The following EIF3D variants were observed in gnomAD, a reference collection of about 807,000 sequenced individuals.
The protein encoded by EIF3D is eukaryotic translation initiation factor 3 subunit D.
A neutral mutation model predicts 75.4 loss-of-function variants in EIF3D; 10 were observed. That is an observed-to-expected ratio of 0.13 (90% CI 0.08 to 0.22). EIF3D has a LOEUF of 0.22. EIF3D is among the 10% of genes least tolerant of loss of function. The pLI is 1.00. For missense variants in EIF3D, 394 were observed against 708.0 expected (o/e 0.56, Z 5.03); for synonymous variants, 246 against 248.3 (o/e 0.99, Z 0.09).
rs563027697 is a variant in EIF3D at position 36,521,974 on chromosome 22, C to T, written c.465+1235G>A. ...AAACAAAAACCAAAAAAACCAACAA[C>T]AGATGAAGCACAGCTGAACTTGAAC... On this transcript the variant is annotated intron_variant, in intron 6 of 14. Coordinates refer to ENST00000216190, the MANE Select transcript of EIF3D (RefSeq NM_003753.4). Among the ~76,000 whole-genome samples, 156 of 152,058 alleles carry T rather than the reference C, an allele frequency of 1.0e-3. No individual in the cohort carries two copies. In the Middle Eastern group the frequency reaches 0.02, roughly 20 times the overall value.
chr22:36,520,192 T>A (rs1479886117), intron 7 of EIF3D, among the ~76,000 whole-genome samples: 1 of 151,976 alleles, frequency 6.6e-6, no homozygotes, highest in Non-Finnish European at 1.5e-5. Flanking sequence ...GTTTCGCTCT[T>A]GTTGCCCAGG....
intron 12 of EIF3D, chr22:36,512,943 G>A (rs780042774): frequency 1.6e-5 from 3 of 192,792 alleles, no homozygotes; most frequent in African/African-American, 4.7e-5. Flanking sequence ...GTAAGGAAGG[G>A]CTTCACAGAG....
At chr22:36,523,679 C>T (rs150332616) in intron 5 of EIF3D, among the ~76,000 whole-genome samples, 3 of 152,112 alleles carry the variant, frequency 2.0e-5, no homozygotes, top group Admixed American at 6.5e-5. Context: ...CCCTTTAGTG[C>T]GCATGACCAG....
At chr22:36,525,039 C>G (rs1324905170) in intron 3 of EIF3D, among the ~76,000 whole-genome samples, 1 of 152,198 alleles carries the variant, frequency 6.6e-6, no homozygotes, top group Non-Finnish European at 1.5e-5. Context: ...GTGTGAGAAT[C>G]TGAGGTATTT....
chr22:36,526,118 C>T lies in EIF3D; in HGVS notation c.4G>A (p.Ala2Thr), dbSNP rs1311332370. 12 of 1,602,020 alleles carry T rather than the reference C, an allele frequency of 7.5e-6. No homozygotes were observed. The highest frequency in any genetic ancestry group is 1.0e-5 in the Non-Finnish European group (12 of 1,173,520). Residue 2 changes from alanine to threonine, a missense_variant, in exon 2 of 15, where the codon GCA becomes ACA. Transcript: ENST00000216190. ...TGGATCACGGGTGTCATGAACTTTG[C>T]CATCTTCCAAAATCTGAAAAATATA... M[A>T]KFMTPVIQDN...
At chr22:36,513,146 G>C (rs568530779) in intron 12 of EIF3D, among the ~76,000 whole-genome samples, 3 of 152,138 alleles carry the variant, frequency 2.0e-5, no homozygotes, top group Non-Finnish European at 4.4e-5. Context: ...AAGGACCCCA[G>C]AGAGATCCTC....
At chr22:36,528,838 A>G (rs1934651450) in intron 1 of EIF3D, 1 of 157,648 alleles carries the variant, frequency 6.3e-6, no homozygotes, top group African/African-American at 2.4e-5. Context: ...AAATTCACCC[A>G]GCTCATGGGC....
At chr22:36,526,800 G>C (rs981977987) in intron 1 of EIF3D, 1 of 152,132 alleles carries the variant, frequency 6.6e-6, no homozygotes, top group East Asian at 1.9e-4. Flanking sequence ...TGTTGTCCAG[G>C]CTAGTCTTGA....
intron 10 of EIF3D, 89 bp downstream of exon 10, chr22:36,517,212 C>T (rs1462599717): frequency 6.3e-7 from 1 of 1,584,252 alleles, no homozygotes. Flanking sequence ...CTCAGTCCCA[C>T]AACCAAGAGC....
At chr22:36,523,561 A>G (rs12170386) in intron 5 of EIF3D, among the ~76,000 whole-genome samples, 13,228 of 152,186 alleles carry the variant, frequency 0.087, 678 homozygotes, top group African/African-American at 0.14. Context: ...TGGACCACAC[A>G]ACACCAGGAG....
At chr22:36,520,838 T>C in intron 6 of EIF3D, 150 bp from the exon 7 acceptor site, 2 of 564,190 alleles carry the variant, frequency 3.5e-6, no homozygotes, top group South Asian at 4.1e-5. Flanking sequence ...GATGATTGCT[T>C]GAGCCCAGGA....
At position 36,523,948 on chromosome 22, in the gene EIF3D, G is replaced by C; in HGVS notation, c.339C>G (p.Asn113Lys). 6.2e-7 allele frequency: 1 copy of C among 1,614,070 alleles called. No individual in the cohort carries two copies. Among genetic ancestry groups the C allele is most frequent in the South Asian group, 1.1e-5 (1 of 91,072 alleles). ...RNLRRDKDRRNMLQFNLQILP... is the reference protein window; with the variant it reads ...RNLRRDKDRRKMLQFNLQILP... Reference sequence around the variant, plus strand: ...GGATCTGCAGGTTGAACTGCAACATGTTCCGACGATCTTTGTCTCTGCGGA... The same window carrying C: ...GGATCTGCAGGTTGAACTGCAACATCTTCCGACGATCTTTGTCTCTGCGGA... Residue 113 changes from asparagine (N) to lysine (K), a missense_variant, in exon 5 of 15, where the codon AAC becomes AAG. Physicochemically the swap from Asn to Lys is moderately conservative, Grantham distance 94. Transcript: ENST00000216190.
At chr22:36,522,284 G>A (rs972380895) in intron 6 of EIF3D, among the ~76,000 whole-genome samples, 6 of 152,138 alleles carry the variant, frequency 3.9e-5, no homozygotes, top group Admixed American at 3.9e-4. Flanking sequence ...AACCCAGCAG[G>A]CAGAGGTTGC....
intron 13 of EIF3D, 61 bp downstream of exon 13, chr22:36,512,399 C>T: frequency 6.3e-7 from 1 of 1,592,464 alleles, no homozygotes; most frequent in South Asian, 1.1e-5. Context: ...GAGGGTCAAC[C>T]TCCCTACCCA....
Position 36,529,054 on chromosome 22 carries a change from ACCTATGAAACACGC to A in EIF3D, c.-11+8_-11+21del, listed in dbSNP as rs1448481172. On this transcript the variant is annotated splice_region_variant and intron_variant, in intron 1 of 14. Transcript: ENST00000216190. ...GAACCGGCTCCGGAGGGCCGCAGGA[ACCTATGAAACACGC>A]CGCTCACCTGCAATGGCCTCGGCCG... The A allele has an allele frequency of 2.6e-6, 1 of 380,156 alleles. No homozygotes were observed. Among genetic ancestry groups the A allele is most frequent in the Non-Finnish European group, 4.7e-6 (1 of 214,582 alleles). 23.5% of individuals were successfully genotyped at this position (380,156 alleles called of 1,614,324 possible). A position where few individuals can be genotyped will look rare whatever the true frequency, so the allele number is the denominator to read the frequency against.
At position 36,523,346 on chromosome 22, in the gene EIF3D, C is replaced by T. The variant is rs35723883; in HGVS notation, c.393-65G>A. ...ACCAGTGGCTTCTTCAAAAGGCACA[C>T]GCTGCCATTCTCTTCAGCTAAACCT... On this transcript the variant is annotated intron_variant, in intron 5 of 14. Transcript: ENST00000216190. The T allele has an allele frequency of 3.1e-3, 3,855 of 1,240,146 alleles. 15 individuals are homozygous for T. Among genetic ancestry groups the T allele is most frequent in the Non-Finnish European group, 4.1e-3 (3,555 of 865,630 alleles). The allele number at this position is 1,240,146 out of a possible 1,614,324, so 76.8% of individuals were successfully genotyped here.
intron 7 of EIF3D, 37 bp from the exon 8 acceptor site, chr22:36,519,574 G>A: frequency 6.2e-7 from 1 of 1,610,270 alleles, no homozygotes; most frequent in Non-Finnish European, 8.5e-7. Context: ...CAAAGTAAGA[G>A]AGATAACCCC....
At chr22:36,511,285 C>T in intron 14 of EIF3D, 1 of 971,878 alleles carries the variant, frequency 1.0e-6, no homozygotes, top group Non-Finnish European at 1.5e-6. Context: ...TGCCACAGTC[C>T]AGCCGCTTCT....
rs1934433807 is a variant in EIF3D at position 36,516,738 on chromosome 22, A to T, written c.1043T>A (p.Met348Lys). 1 of 1,614,082 alleles carries T rather than the reference A, an allele frequency of 6.2e-7. No homozygotes were observed. The highest frequency in any genetic ancestry group is 8.5e-7 in the Non-Finnish European group (1 of 1,180,040). Residue 348 changes from methionine (M) to lysine (K), a missense_variant, in exon 11 of 15, where the codon ATG becomes AAG. Coordinates refer to ENST00000216190, the MANE Select transcript of EIF3D (RefSeq NM_003753.4). ...PNPNPFVEDD[M>K]DKNEIASVAY... ...AACAGAGGCGATTTCATTCTTATCC[A>T]TGTCGTCCTCCACAAACGGGTTTGG...
Sources: gnomAD v4.1 joint callset for allele counts (sites outside exome capture counted in the v4.1 genomes callset) on GRCh38, gnomAD v4.1.1 for gene constraint, MANE v1.5 for transcripts, NCBI Gene and HGNC (gene_info 2026-07-23, HGNC 2026-07-21) for gene names.